The following ZNF557 variants were observed in gnomAD, a reference collection of about 807,000 sequenced individuals.
The protein encoded by ZNF557 is zinc finger protein 557, also known as CTB-25J19.9.
ZNF557 carries 19 observed loss-of-function variants against 21.2 expected under a neutral mutation model. The observed-to-expected ratio is 0.90, with a 90% CI of 0.63 to 1.32. ZNF557 has a LOEUF of 1.32. ZNF557 is among the 40% of genes most tolerant of loss of function. The pLI is 0.00. For missense variants in ZNF557, 487 were observed against 519.8 expected (o/e 0.94, Z 0.61); for synonymous variants, 207 against 194.8 (o/e 1.06, Z -0.52).
rs1297654101 is a variant in ZNF557 at position 7,081,960 on chromosome 19, CTTGT to C, written c.344-7_344-4del. ...TCTATCAACTTAAATTTCTTTTTAA[CTTGT>C]TTCAGATGTGGAGAATCCATTTAAA... On this transcript the variant is annotated splice_polypyrimidine_tract_variant and splice_region_variant and intron_variant, in intron 6 of 7. Transcript: ENST00000252840. 1.2e-6 allele frequency: 2 copies of C among 1,606,288 alleles called. No homozygotes were observed. The highest frequency in any genetic ancestry group is 1.7e-6 in the Non-Finnish European group (2 of 1,175,388).
chr19:7,081,182 TGTGTGTGTGTGTGTGTGTGA>T (rs750162540), intron 5 of ZNF557, among the ~76,000 whole-genome samples, 158 bp from the exon 6 acceptor site: 14,271 of 77,986 alleles, frequency 0.18, 780 homozygotes, highest in African/African-American at 0.22. Flanking sequence ...TGTGTGTGTG[TGTGTGTGTGTGTGTGTGTGA>T]GTGTTTAAGA....
At chr19:7,081,239 C>A in intron 5 of ZNF557, 121 bp from the exon 6 acceptor site, 1 of 553,410 alleles carries the variant, frequency 1.8e-6, no homozygotes, top group East Asian at 3.4e-5. Flanking sequence ...TCAATTTTGG[C>A]ATAATTATTT....
Position 7,087,021 on chromosome 19 carries a change from T to TC in ZNF557, c.*3279dup, listed in dbSNP as rs1977866072. On this transcript the variant is annotated 3_prime_UTR_variant, in exon 8 of 8. Coordinates refer to ENST00000252840, the MANE Select transcript of ZNF557 (RefSeq NM_024341.3). ...TCCAGCTTGGGCGACAGAGTGAGAC[T>TC]CCATCTCAAAAAAAGATGTACAGTG... The TC allele has an allele frequency of 6.6e-6, 1 of 151,166 alleles. No homozygotes were observed. Among genetic ancestry groups the TC allele is most frequent in the Non-Finnish European group, 1.5e-5 (1 of 67,874 alleles). The allele number at this position is 151,166 out of a possible 1,614,324, so 9.4% of individuals were successfully genotyped here. A position where few individuals can be genotyped will look rare whatever the true frequency, so the allele number is the denominator to read the frequency against.
At chr19:7,070,397 A>G (rs1323794548) in intron 1 of ZNF557, among the ~76,000 whole-genome samples, 165 bp from the exon 2 acceptor site, 17 of 152,232 alleles carry the variant, frequency 1.1e-4, no homozygotes, top group Admixed American at 1.1e-3. Flanking sequence ...ATTCAGGCAC[A>G]GCCAGTAGCC....
intron 2 of ZNF557, among the ~76,000 whole-genome samples, chr19:7,072,756 ATGTG>A (rs562391863): frequency 3.0e-4 from 46 of 152,266 alleles, no homozygotes; most frequent in African/African-American, 1.0e-3. Flanking sequence ...GTTGGATGCC[ATGTG>A]CCCCTCTGCC....
intron 5 of ZNF557, among the ~76,000 whole-genome samples, chr19:7,079,298 G>C (rs539899364): frequency 6.8e-6 from 1 of 146,100 alleles, no homozygotes; most frequent in East Asian, 2.0e-4. Context: ...CTGGAGTGCA[G>C]TGGTGCAATC....
chr19:7,082,758 A>G, intron 7 of ZNF557, 120 bp from the exon 8 acceptor site: 1 of 1,058,740 alleles, frequency 9.4e-7, no homozygotes, highest in Non-Finnish European at 1.3e-6. Context: ...TCATGATGGC[A>G]AAAACATTAA....
Position 7,083,929 on chromosome 19 carries a change from G to T in ZNF557, c.*185G>T. ...AGGTCAGGAATTCAGAAACAACATA[G>T]CTCTATAGTTCTTCAGGATATCTCA... On this transcript the variant is annotated 3_prime_UTR_variant, in exon 8 of 8. Coordinates refer to ENST00000252840, the MANE Select transcript of ZNF557 (RefSeq NM_024341.3). The T allele has an allele frequency of 4.9e-6, 3 of 616,804 alleles. No individual in the cohort carries two copies. Among genetic ancestry groups the T allele is most frequent in the Non-Finnish European group, 8.4e-6 (3 of 356,300 alleles). The allele number at this position is 616,804 out of a possible 1,614,324, so 38.2% of individuals were successfully genotyped here. A position where few individuals can be genotyped will look rare whatever the true frequency, so the allele number is the denominator to read the frequency against.
At position 7,073,156 on chromosome 19, in the gene ZNF557, T is replaced by G. The variant is rs28481321; in HGVS notation, c.-79-1840T>G. Reference sequence around the variant, plus strand: ...AGATATTTGTTTTTTTGGTTTTTTTTGTTTTTTTTTTTTTGAGATGGAGTC... The same window carrying G: ...AGATATTTGTTTTTTTGGTTTTTTTGGTTTTTTTTTTTTTGAGATGGAGTC... On this transcript the variant is annotated intron_variant, in intron 2 of 7. Transcript: ENST00000252840. 2.0e-4 allele frequency among the ~76,000 whole-genome samples: 11 copies of G among 56,252 alleles called. No homozygotes were observed. In the Admixed American group the frequency reaches 2.2e-3, roughly 11 times the overall value. 36.9% of individuals were successfully genotyped at this position (56,252 alleles called of 152,430 possible).
Position 7,083,695 on chromosome 19 carries a change from G to A in ZNF557, c.1244G>A (p.Ser415Asn). 1.9e-6 allele frequency: 3 copies of A among 1,613,752 alleles called. No homozygotes were observed. The highest frequency in any genetic ancestry group is 8.5e-7 in the Non-Finnish European group (1 of 1,179,836). Residue 415 changes from serine (S) to asparagine (N), a missense_variant, in exon 8 of 8, where the codon AGT becomes AAT. Physicochemically the swap from Ser to Asn is conservative, Grantham distance 46. Transcript: ENST00000252840. Reference sequence around the variant, plus strand: ...AATTATTGCGGGAAATCCTTCACAAGTAACTCCTACCTTTCTGTGCATACG... The same window carrying A: ...AATTATTGCGGGAAATCCTTCACAAATAACTCCTACCTTTCTGTGCATACG... ...ECNYCGKSFTSNSYLSVHTRM... is the reference protein window; with the variant it reads ...ECNYCGKSFTNNSYLSVHTRM...
At chr19:7,071,615 A>G (rs1017592857) in intron 2 of ZNF557, among the ~76,000 whole-genome samples, 2 of 152,034 alleles carry the variant, frequency 1.3e-5, no homozygotes, top group African/African-American at 2.4e-5. Flanking sequence ...AGGCCGAGGT[A>G]GGTGGATCAC....
chr19:7,074,466 T>G (rs1284581040), intron 2 of ZNF557, among the ~76,000 whole-genome samples: 1 of 151,752 alleles, frequency 6.6e-6, no homozygotes, highest in African/African-American at 2.4e-5. Context: ...TCTAGAGATC[T>G]TCTCTCTTTT....
At chr19:7,076,274 C>G (rs1334711987) in intron 4 of ZNF557, 107 bp from the exon 5 acceptor site, 7 of 1,609,226 alleles carry the variant, frequency 4.3e-6, no homozygotes, top group African/African-American at 1.3e-5. Context: ...CCCCCCACAT[C>G]TCGTGCTCAG....
Position 7,087,226 on chromosome 19 carries a change from T to TTTTTTTTTTTTTTTTTTATTTTTTTTCC in ZNF557, c.*3482_*3483insTTTTTTTTTTTTTTTTTATTTTTTTTCC, listed in dbSNP as rs1555730813. On this transcript the variant is annotated 3_prime_UTR_variant, in exon 8 of 8. Coordinates refer to ENST00000252840, the MANE Select transcript of ZNF557 (RefSeq NM_024341.3). ...GCTTTTTTTTTTTTTTTTTTTTTTT[T>TTTTTTTTTTTTTTTTTTATTTTTTTTCC]CTTCACTGTGGTGATAAAAACCACA... is the stretch of plus-strand genomic sequence containing the variant. 1.1e-5 allele frequency: 1 copy of TTTTTTTTTTTTTTTTTTATTTTTTTTCC among 87,560 alleles called. No homozygotes were observed. The highest frequency in any genetic ancestry group is 2.1e-5 in the Non-Finnish European group (1 of 47,462). The allele number at this position is 87,560 out of a possible 1,614,324, so 5.4% of individuals were successfully genotyped here.
In ZNF557 at chr19:7,074,935, C is replaced by T. The variant is rs73923708; in HGVS notation, c.-79-61C>T. On this transcript the variant is annotated intron_variant, in intron 2 of 7. Coordinates refer to ENST00000252840, the MANE Select transcript of ZNF557 (RefSeq NM_024341.3). ...GGGCACGGGCAGGAGACGGGGTGAC[C>T]GACGCAGGGCACGGGCTGGAGGGGG... 1.8e-3 allele frequency: 2,591 copies of T among 1,406,988 alleles called. 47 individuals are homozygous for T. In the African/African-American group the frequency reaches 0.028, roughly 15 times the overall value. The allele number at this position is 1,406,988 out of a possible 1,614,324, so 87.2% of individuals were successfully genotyped here.
intron 2 of ZNF557, among the ~76,000 whole-genome samples, chr19:7,073,648 G>C (rs917363380): frequency 5.3e-5 from 8 of 152,018 alleles, no homozygotes; most frequent in African/African-American, 1.9e-4. Context: ...GGCAGGAATG[G>C]GAAAGAGCCT....
chr19:7,081,504 G>A (rs1977705578), intron 6 of ZNF557, 49 bp downstream of exon 6: 4 of 1,268,180 alleles, frequency 3.2e-6, no homozygotes, highest in Middle Eastern at 1.9e-4. Flanking sequence ...CTCTGGCCAG[G>A]GACTGAGAAG....
Position 7,082,861 on chromosome 19 carries a change from C to T in ZNF557, c.427-17C>T. 1 of 1,536,674 alleles carries T rather than the reference C, an allele frequency of 6.5e-7. No homozygotes were observed. Among genetic ancestry groups the T allele is most frequent in the Non-Finnish European group, 8.7e-7 (1 of 1,145,096 alleles). ...AAATATTATAAATGGTACTTATTGT[C>T]ATCTCTTAATCAATAGGAGAGGAAT... On this transcript the variant is annotated splice_polypyrimidine_tract_variant and intron_variant, in intron 7 of 7. Coordinates refer to ENST00000252840, the MANE Select transcript of ZNF557 (RefSeq NM_024341.3).
chr19:7,081,466 G>C lies in ZNF557; in HGVS notation c.343+11G>C. Reference sequence around the variant, plus strand: ...CAGGTACCTGTCCAGGTGAGCACCAGGTGGATATAAGTCCTTGTGAGGAAC... The same window carrying C: ...CAGGTACCTGTCCAGGTGAGCACCACGTGGATATAAGTCCTTGTGAGGAAC... On this transcript the variant is annotated intron_variant, in intron 6 of 7. Transcript: ENST00000252840. 1 of 1,591,762 alleles carries C rather than the reference G, an allele frequency of 6.3e-7. No individual in the cohort carries two copies. Among genetic ancestry groups the C allele is most frequent in the Non-Finnish European group, 8.6e-7 (1 of 1,160,680 alleles).
Sources: allele counts gnomAD v4.1 joint callset (sites outside exome capture counted in the v4.1 genomes callset), GRCh38; gene constraint gnomAD v4.1.1; transcripts MANE v1.5; gene names NCBI Gene and HGNC (gene_info 2026-07-23, HGNC 2026-07-21).